The following PALM2AKAP2 variants were observed in gnomAD, a reference collection of about 807,000 sequenced individuals.
The protein encoded by PALM2AKAP2 is PALM2-AKAP2 fusion protein.
PALM2AKAP2 carries 37 observed loss-of-function variants against 71.5 expected under a neutral mutation model. The ratio of observed to expected loss-of-function variants is 0.52; its 90% CI spans 0.40 to 0.68. The LOEUF (loss-of-function observed/expected upper bound fraction) is 0.68, where lower values mean the gene tolerates loss of function less well. PALM2AKAP2 is among the 30% of genes least tolerant of loss of function. PALM2AKAP2 has a pLI of 0.00. For missense variants in PALM2AKAP2, 1,224 were observed against 1,191.8 expected (o/e 1.03, Z -0.40); for synonymous variants, 468 against 478.8 (o/e 0.98, Z 0.29).
chr9:110,016,163 C>A, intron 7 of PALM2AKAP2, 124 bp downstream of exon 7: 1 of 968,260 alleles, frequency 1.0e-6, no homozygotes, highest in African/African-American at 1.6e-5. Flanking sequence ...TCTCTCTACT[C>A]ACTGAGGTCT....
At chr9:109,806,401 G>A (rs79460665) in intron 1 of PALM2AKAP2, among the ~76,000 whole-genome samples, 11,406 of 152,178 alleles carry the variant, frequency 0.075, 1,165 homozygotes, top group African/African-American at 0.24. Context: ...ATATATTTGT[G>A]GATGCTGAGA....
intron 1 of PALM2AKAP2, among the ~76,000 whole-genome samples, chr9:109,784,775 A>T (rs929765820): frequency 3.9e-5 from 6 of 152,260 alleles, no homozygotes; most frequent in African/African-American, 1.4e-4. Context: ...GCTGCCACCC[A>T]AGATGGCGGC....
intron 7 of PALM2AKAP2, chr9:110,024,841 A>G (rs907866392): frequency 3.0e-5 from 21 of 707,522 alleles, no homozygotes; most frequent in Non-Finnish European, 4.6e-5. Context: ...TTTTTTTAAC[A>G]GCCCAGAGGT....
intron 7 of PALM2AKAP2, among the ~76,000 whole-genome samples, chr9:110,039,101 T>A (rs1341200732): frequency 5.9e-5 from 9 of 151,548 alleles, no homozygotes; most frequent in Non-Finnish European, 1.2e-4. Context: ...ATACAAAAAT[T>A]AGCCAGGCAT....
intron 3 of PALM2AKAP2, among the ~76,000 whole-genome samples, chr9:109,890,772 G>C (rs1311928861): frequency 6.6e-6 from 1 of 152,190 alleles, no homozygotes; most frequent in Non-Finnish European, 1.5e-5. Flanking sequence ...AAGAATCAGA[G>C]AATGGAGGCC....
At chr9:110,049,741 C>G (rs1833673272) in intron 1 of PALM2AKAP2, among the ~76,000 whole-genome samples, 1 of 152,162 alleles carries the variant, frequency 6.6e-6, no homozygotes, top group African/African-American at 2.4e-5. Flanking sequence ...CAAGAAATCC[C>G]AGAGAAACGG....
chr9:109,693,180 T>C (rs1827923155), intron 1 of PALM2AKAP2, among the ~76,000 whole-genome samples: 1 of 151,934 alleles, frequency 6.6e-6, no homozygotes, highest in South Asian at 2.1e-4. Context: ...GGTTATTTAT[T>C]TATTTATTTC....
At chr9:109,652,450 G>A (rs180712045) in intron 1 of PALM2AKAP2, among the ~76,000 whole-genome samples, 122 of 152,250 alleles carry the variant, frequency 8.0e-4, no homozygotes, top group Admixed American at 2.0e-3. Flanking sequence ...GCTTCCTGAG[G>A]CCTCACCAGA....
rs190573496 is a variant in PALM2AKAP2 at position 109,741,412 on chromosome 9, G to A, written c.6-39076G>A. 4.2e-3 allele frequency among the ~76,000 whole-genome samples: 647 copies of A among 152,278 alleles called. 3 individuals carry two copies. Among genetic ancestry groups the A allele is most frequent in the African/African-American group, 0.014 (570 of 41,552 alleles). ...TTTGGCTATTTTCAATAAAGCTGCCGTGAATATTCTTGAACAGGTCTTATT... is the reference window on the plus strand; with the variant it reads ...TTTGGCTATTTTCAATAAAGCTGCCATGAATATTCTTGAACAGGTCTTATT... On this transcript the variant is annotated intron_variant, in intron 1 of 6. Coordinates refer to the PALM2AKAP2 transcript ENST00000374531.
At chr9:110,120,876 G>C (rs925853722) in intron 1 of PALM2AKAP2, among the ~76,000 whole-genome samples, 12 of 152,196 alleles carry the variant, frequency 7.9e-5, no homozygotes, top group African/African-American at 2.9e-4. Context: ...AGGATGCAGT[G>C]GGGAGGGCGA....
chr9:110,043,728 T>G (rs1207446871), upstream of PALM2AKAP2, among the ~76,000 whole-genome samples: 1 of 140,788 alleles, frequency 7.1e-6, no homozygotes, highest in East Asian at 2.0e-4. Flanking sequence ...TTTTTTTTTT[T>G]TTTTTTTTTT....
At chr9:109,833,401 T>C (rs1207917547) in intron 1 of PALM2AKAP2, among the ~76,000 whole-genome samples, 1 of 152,100 alleles carries the variant, frequency 6.6e-6, no homozygotes, top group Non-Finnish European at 1.5e-5. Flanking sequence ...AACCATGTGC[T>C]GTGTAGTGAG....
intron 6 of PALM2AKAP2, among the ~76,000 whole-genome samples, chr9:109,974,048 T>C (rs911531749): frequency 6.6e-6 from 1 of 152,192 alleles, no homozygotes; most frequent in Non-Finnish European, 1.5e-5. Flanking sequence ...AGGACACATG[T>C]AAAGTATGAC....
At chr9:109,884,747 A>AT (rs1829928264) in intron 3 of PALM2AKAP2, among the ~76,000 whole-genome samples, 2 of 152,210 alleles carry the variant, frequency 1.3e-5, no homozygotes, top group African/African-American at 2.4e-5. Flanking sequence ...TCTCCTAAAG[A>AT]GATACATAAA....
At chr9:110,112,636 G>C (rs895348877) in intron 1 of PALM2AKAP2, among the ~76,000 whole-genome samples, 3 of 152,214 alleles carry the variant, frequency 2.0e-5, no homozygotes, top group Non-Finnish European at 4.4e-5. Context: ...GAATCTTGAA[G>C]CCGGTCTTCC....
chr9:110,147,259 A>G (rs1292111922), intron 2 of PALM2AKAP2, among the ~76,000 whole-genome samples: 1 of 151,884 alleles, frequency 6.6e-6, no homozygotes, highest in Admixed American at 6.6e-5. Context: ...AAAAAAAAAA[A>G]AAAAAAAATT....
chr9:110,090,742 G>A (rs1834687272), intron 1 of PALM2AKAP2, among the ~76,000 whole-genome samples: 1 of 152,110 alleles, frequency 6.6e-6, no homozygotes, highest in South Asian at 2.1e-4. Flanking sequence ...AGTAATTACT[G>A]TAATACCTTA....
chr9:110,080,491 G>A (rs949404397), intron 1 of PALM2AKAP2, among the ~76,000 whole-genome samples: 7 of 152,204 alleles, frequency 4.6e-5, no homozygotes, highest in African/African-American at 1.4e-4. Context: ...GATGTCAGGT[G>A]TAGGAAGAGA....
At chr9:109,995,890 TGC>T (rs1459275586) in intron 6 of PALM2AKAP2, among the ~76,000 whole-genome samples, 1 of 152,162 alleles carries the variant, frequency 6.6e-6, no homozygotes, top group East Asian at 1.9e-4. Context: ...CTGGTGCACT[TGC>T]CATGAGGATG....
Sources: allele counts gnomAD v4.1 joint callset (sites outside exome capture counted in the v4.1 genomes callset), GRCh38; gene constraint gnomAD v4.1.1; transcripts MANE v1.5; gene names NCBI Gene and HGNC (gene_info 2026-07-23, HGNC 2026-07-21).